ANO6: variants seen among roughly 807,000 people sequenced by gnomAD.
ANO6 encodes the protein anoctamin-6.
A neutral mutation model predicts 117.5 loss-of-function variants in ANO6; 106 were observed. The ratio of observed to expected loss-of-function variants is 0.90; its 90% confidence interval spans 0.77 to 1.06. The LOEUF (loss-of-function observed/expected upper bound fraction) is 1.06. Ranked by LOEUF, ANO6 falls within the 50% of genes least tolerant of loss-of-function variation. The probability of loss-of-function intolerance (pLI) is 0.00; values close to 1 mark genes in which losing one functional copy is unlikely to be tolerated. For synonymous variants in ANO6, 367 were observed against 385.1 expected, an observed-to-expected ratio of 0.95 and a Z score of 0.55; for missense variants, 955 against 1,121.1, an observed-to-expected ratio of 0.85 and a Z score of 2.12.
chr12:45,303,858 CT>C (rs1438453638), intron 2 of ANO6, among the ~76,000 whole-genome samples: 2 of 152,162 alleles, frequency 1.3e-5, no homozygotes, highest in African/African-American at 2.4e-5. Flanking sequence ...TAAATCCCCA[CT>C]TTTTTATTTT....
At chr12:45,244,268 A>G (rs920186948) in intron 1 of ANO6, among the ~76,000 whole-genome samples, 1 of 152,062 alleles carries the variant, frequency 6.6e-6, no homozygotes, top group African/African-American at 2.4e-5. Context: ...TCTGTTAGGT[A>G]TCTTTGAGGA....
intron 3 of ANO6, among the ~76,000 whole-genome samples, chr12:45,344,356 A>G (rs1194091283): frequency 1.3e-5 from 2 of 152,242 alleles, no homozygotes; most frequent in Non-Finnish European, 2.9e-5. Context: ...ACATTGCTAT[A>G]AAGAACTACC....
intron 8 of ANO6, among the ~76,000 whole-genome samples, chr12:45,363,346 C>G (rs779821419): frequency 6.6e-6 from 1 of 152,002 alleles, no homozygotes; most frequent in Non-Finnish European, 1.5e-5. Flanking sequence ...TGGCAGATCA[C>G]GAGGTCAGGA....
At chr12:45,357,266 A>T (rs771662255) in intron 7 of ANO6, 24 bp from the exon 8 acceptor site, 24 of 1,611,694 alleles carry the variant, frequency 1.5e-5, no homozygotes, top group Non-Finnish European at 2.0e-5. Flanking sequence ...GCATCTTCTA[A>T]AAATAATTTC....
intron 17 of ANO6, among the ~76,000 whole-genome samples, chr12:45,418,152 C>A (rs1159533695): frequency 6.6e-6 from 1 of 152,056 alleles, no homozygotes; most frequent in East Asian, 1.9e-4. Flanking sequence ...TGACAGGTAC[C>A]CCAATTGGAG....
Position 45,429,201 on chromosome 12 carries a change from C to A in ANO6, c.2623C>A (p.Gln875Lys), listed in dbSNP as rs770523604. The A allele has an allele frequency of 6.2e-7, 1 of 1,613,874 alleles. No individual in the cohort carries two copies. Among genetic ancestry groups the A allele is most frequent in the Non-Finnish European group, 8.5e-7 (1 of 1,179,940 alleles). The change falls in exon 20 of 20, where the codon CAA becomes AAA. Residue 875 changes from glutamine to lysine, a missense_variant. Transcript: ENST00000320560. ...GATCCAGAGAGAAAAATACCTAACC[C>A]AAAAGCTTCTTCATGAGAATCACCT... ...SKIQREKYLT[Q>K]KLLHENHLKD...
intron 1 of ANO6, among the ~76,000 whole-genome samples, chr12:45,242,210 C>T (rs1305774953): frequency 6.6e-6 from 1 of 152,234 alleles, no homozygotes; most frequent in Non-Finnish European, 1.5e-5. Flanking sequence ...CTTTGTTGTG[C>T]TGTGCTGTGG....
chr12:45,331,875 G>A (rs950006423), intron 3 of ANO6, among the ~76,000 whole-genome samples: 62 of 152,144 alleles, frequency 4.1e-4, no homozygotes, highest in Middle Eastern at 3.4e-3. Context: ...ACCATTTTAT[G>A]GATGATAGAG....
At chr12:45,339,968 A>G (rs1203343248) in intron 3 of ANO6, among the ~76,000 whole-genome samples, 1 of 152,134 alleles carries the variant, frequency 6.6e-6, no homozygotes, top group African/African-American at 2.4e-5. Context: ...TAATTTTACT[A>G]CTTAGACATT....
At chr12:45,296,723 G>A (rs1345031358) in intron 1 of ANO6, among the ~76,000 whole-genome samples, 1 of 152,034 alleles carries the variant, frequency 6.6e-6, no homozygotes, top group East Asian at 1.9e-4. Flanking sequence ...GTGCAACTTT[G>A]GAATCAGGTT....
chr12:45,421,168 T>C lies in ANO6; in HGVS notation c.2315T>C (p.Met772Thr), dbSNP rs1301011906. 32 of 1,614,052 alleles carry C rather than the reference T, an allele frequency of 2.0e-5. No homozygotes were observed. The highest frequency in any genetic ancestry group is 2.7e-5 in the Non-Finnish European group (32 of 1,179,934). Reference protein sequence around the residue: ...PPYGDHTSYTMEGYINNTLSI... With the variant: ...PPYGDHTSYTTEGYINNTLSI... ...TACGGGGACCACACTTCCTACACCA[T>C]GGAAGGGTACATCAACAACACTCTC... The change falls in exon 18 of 20, where the codon ATG (methionine) becomes ACG (threonine). Residue 772 changes from methionine to threonine, a missense_variant. Met to Thr is a moderately conservative substitution (Grantham distance 81). Transcript: ENST00000320560.
chr12:45,415,060 C>T (rs1943181296), intron 16 of ANO6, among the ~76,000 whole-genome samples: 1 of 149,624 alleles, frequency 6.7e-6, no homozygotes, highest in South Asian at 2.1e-4. Context: ...GCCTGGCTGA[C>T]CTGTCAGCTT....
intron 10 of ANO6, 50 bp downstream of exon 10, chr12:45,378,163 G>A (rs746026043): frequency 3.3e-6 from 5 of 1,537,200 alleles, no homozygotes; most frequent in Non-Finnish European, 4.4e-6. Context: ...GTATTACACA[G>A]TTTTATGTAG....
chr12:45,273,355 A>G (rs1938449580), intron 1 of ANO6, among the ~76,000 whole-genome samples: 2 of 152,196 alleles, frequency 1.3e-5, no homozygotes, highest in African/African-American at 4.8e-5. Context: ...AGGATGGCCA[A>G]TTTTGATCAA....
intron 1 of ANO6, among the ~76,000 whole-genome samples, chr12:45,227,764 T>C (rs1286926008): frequency 6.6e-6 from 1 of 152,204 alleles, no homozygotes; most frequent in Non-Finnish European, 1.5e-5. Context: ...AGTGGTATTA[T>C]GCCTGTAGGA....
intron 8 of ANO6, among the ~76,000 whole-genome samples, chr12:45,365,018 A>T (rs771061676): frequency 5.5e-5 from 8 of 146,400 alleles, no homozygotes; most frequent in Non-Finnish European, 1.0e-4. Flanking sequence ...GTCATGTGTG[A>T]CCACTTAAGT....
chr12:45,358,387 A>C (rs1413505644), intron 8 of ANO6, among the ~76,000 whole-genome samples: 1 of 152,226 alleles, frequency 6.6e-6, no homozygotes, highest in East Asian at 1.9e-4. Flanking sequence ...CCTCACTGAA[A>C]AAGAGTTTTG....
At chr12:45,347,130 T>G (rs550484306) in intron 4 of ANO6, 43 bp downstream of exon 4, 1 of 1,588,612 alleles carries the variant, frequency 6.3e-7, no homozygotes, top group African/African-American at 1.3e-5. Context: ...ACCACTGTTC[T>G]CGGGCAGCTT....
intron 1 of ANO6, among the ~76,000 whole-genome samples, chr12:45,281,147 T>C (rs903940015): frequency 6.6e-6 from 1 of 152,172 alleles, no homozygotes; most frequent in African/African-American, 2.4e-5. Context: ...CAAAAATATA[T>C]CTTCCTCAAC....
Sources: gnomAD v4.1 joint callset for allele counts (sites outside exome capture counted in the v4.1 genomes callset) on GRCh38, gnomAD v4.1.1 for gene constraint, MANE v1.5 for transcripts, NCBI Gene and HGNC (gene_info 2026-07-23, HGNC 2026-07-21) for gene names.